The following OPCML variants were observed in gnomAD, a reference collection of about 807,000 sequenced individuals.
The protein encoded by OPCML is opioid binding protein/cell adhesion molecule like.
Under a neutral mutation model 37.8 loss-of-function variants are expected in OPCML, and 13 were observed. That is an observed-to-expected ratio of 0.34 (90% CI 0.22 to 0.55). The LOEUF is 0.55. Among genes scored for constraint, OPCML ranks in the 20% least tolerant of loss-of-function variants. The probability of loss-of-function intolerance (pLI) is 0.91; values close to 1 mark genes in which losing one functional copy is unlikely to be tolerated. For missense variants in OPCML, 341 were observed against 435.6 expected, an observed-to-expected ratio of 0.78 and a Z score of 1.93; for synonymous variants, 176 against 168.8, an observed-to-expected ratio of 1.04 and a Z score of -0.33.
chr11:133,403,121 A>G (rs1396927522), intron 1 of OPCML, among the ~76,000 whole-genome samples: 1 of 152,212 alleles, frequency 6.6e-6, no homozygotes, highest in Admixed American at 6.5e-5. Context: ...TAGATTACTT[A>G]AGTACAAATC....
chr11:132,953,935 T>A (rs1298673742), intron 1 of OPCML, among the ~76,000 whole-genome samples: 1 of 152,214 alleles, frequency 6.6e-6, no homozygotes, highest in Non-Finnish European at 1.5e-5. Context: ...GACTGGCTGC[T>A]CCTTACGGGG....
intron 2 of OPCML, chr11:132,859,252 T>C (rs1454365152): frequency 6.6e-6 from 1 of 152,194 alleles, no homozygotes; most frequent in Non-Finnish European, 1.5e-5. Context: ...ATGCATACCT[T>C]GTATGCTACA....
At chr11:133,106,925 G>C (rs751926779) in intron 1 of OPCML, among the ~76,000 whole-genome samples, 3 of 152,176 alleles carry the variant, frequency 2.0e-5, no homozygotes, top group Non-Finnish European at 4.4e-5. Context: ...CAGAGGCAGA[G>C]ACAGGCCCTT....
chr11:132,898,463 C>T (rs945209788), intron 2 of OPCML, among the ~76,000 whole-genome samples: 1 of 152,164 alleles, frequency 6.6e-6, no homozygotes. Context: ...TTCATGGGAT[C>T]CACTAATCTT....
chr11:132,578,321 C>A (rs575533519), intron 3 of OPCML, among the ~76,000 whole-genome samples: 1 of 151,556 alleles, frequency 6.6e-6, no homozygotes, highest in Non-Finnish European at 1.5e-5. Flanking sequence ...AATCATATTC[C>A]AAAAAAAACA....
chr11:132,441,165 G>GTTTTTTTTTTTTTTTGTTTT (rs2096032025), intron 4 of OPCML, among the ~76,000 whole-genome samples: 1 of 72,402 alleles, frequency 1.4e-5, no homozygotes, highest in Admixed American at 1.5e-4. Context: ...GGACTTTTTT[G>GTTTTTTTTTTTTTTTGTTTT]TTTTTTTTTT....
chr11:133,264,274 C>T lies in OPCML; in HGVS notation c.61+267990G>A, dbSNP rs183683385. 2.2e-4 allele frequency among the ~76,000 whole-genome samples: 34 copies of T among 152,292 alleles called. No individual in the cohort carries two copies. The East Asian group carries it at 6.4e-3, about 29-fold the overall frequency. On this transcript the variant is annotated intron_variant, in intron 1 of 7. Transcript: ENST00000524381. The stretch of plus-strand genomic sequence containing the variant: ...CGGAAAAATGACTCCTTCCAAGTGA[C>T]GGAGACAACATATTGCAAATTATTA...
intron 1 of OPCML, among the ~76,000 whole-genome samples, chr11:133,175,897 G>C (rs1456563231): frequency 1.3e-5 from 2 of 152,118 alleles, no homozygotes; most frequent in Non-Finnish European, 2.9e-5. Context: ...AGTCGTGCCT[G>C]TGGTTATGAA....
intron 2 of OPCML, among the ~76,000 whole-genome samples, chr11:132,852,297 C>T (rs1372505158): frequency 1.3e-5 from 2 of 152,028 alleles, no homozygotes; most frequent in Admixed American, 6.6e-5. Context: ...TGCTTTTCTC[C>T]GTTTGATCTC....
chr11:132,450,653 ATATT>A (rs2096066166), intron 4 of OPCML, among the ~76,000 whole-genome samples: 1 of 151,990 alleles, frequency 6.6e-6, no homozygotes. Context: ...AAACAGTGTG[ATATT>A]TATTGCTTTC....
chr11:132,590,724 A>G (rs1314289377), intron 3 of OPCML, among the ~76,000 whole-genome samples: 2 of 152,092 alleles, frequency 1.3e-5, no homozygotes, highest in Non-Finnish European at 2.9e-5. Context: ...CACGCATGAC[A>G]CCAGCATAAA....
intron 1 of OPCML, among the ~76,000 whole-genome samples, chr11:133,198,553 T>C (rs530066125): frequency 6.6e-6 from 1 of 152,336 alleles, no homozygotes; most frequent in East Asian, 1.9e-4. Context: ...TAGATGGACA[T>C]GAAGAAAGGC....
intron 3 of OPCML, among the ~76,000 whole-genome samples, chr11:132,625,119 A>ATTG (rs1353457714): frequency 6.6e-6 from 1 of 152,156 alleles, no homozygotes; most frequent in Non-Finnish European, 1.5e-5. Context: ...CAAAATCAAC[A>ATTG]TTGTTATACA....
At chr11:133,402,976 C>A (rs890768562) in intron 1 of OPCML, among the ~76,000 whole-genome samples, 10 of 152,190 alleles carry the variant, frequency 6.6e-5, no homozygotes, top group Admixed American at 2.6e-4. Context: ...AGGATTCCTA[C>A]TGGAAGTCTT....
At chr11:132,838,071 A>G (rs1240485118) in intron 2 of OPCML, among the ~76,000 whole-genome samples, 1 of 152,234 alleles carries the variant, frequency 6.6e-6, no homozygotes, top group East Asian at 1.9e-4. Flanking sequence ...ATTTGTATAC[A>G]TGCTGAGAGG....
intron 1 of OPCML, among the ~76,000 whole-genome samples, chr11:132,957,718 T>A (rs1946002029): frequency 6.6e-6 from 1 of 152,190 alleles, no homozygotes; most frequent in Non-Finnish European, 1.5e-5. Flanking sequence ...TTGCAATATT[T>A]CAAACTTTCT....
intron 1 of OPCML, chr11:133,301,222 T>G (rs1285111449): frequency 1.3e-5 from 2 of 152,174 alleles, no homozygotes; most frequent in African/African-American, 4.8e-5. Flanking sequence ...ATTTTAGTCT[T>G]TGTTACATCA....
At chr11:132,859,649 C>T (rs187612107) in intron 2 of OPCML, 3 of 152,318 alleles carry the variant, frequency 2.0e-5, no homozygotes, top group Admixed American at 6.5e-5. Context: ...CTTTGCCAGA[C>T]GGAGCTTTCT....
At position 132,433,650 on chromosome 11, in the gene OPCML, G is replaced by A. The variant is rs1565557916; in HGVS notation, c.916+2436C>T. 2.6e-5 allele frequency among the ~76,000 whole-genome samples: 4 copies of A among 152,210 alleles called. 1 individual carries two copies. The highest frequency in any genetic ancestry group is 1.3e-4 in the Admixed American group (2 of 15,286). On this transcript the variant is annotated intron_variant, in intron 7 of 7. Transcript: ENST00000524381. Reference sequence around the variant, plus strand: ...ACCCCCAGTATGTCTGTATTTGGAGGTGGCACCTATAGGGAAGTAATTAAG... The same window carrying A: ...ACCCCCAGTATGTCTGTATTTGGAGATGGCACCTATAGGGAAGTAATTAAG...
Sources: allele counts gnomAD v4.1 joint callset (sites outside exome capture counted in the v4.1 genomes callset), GRCh38; gene constraint gnomAD v4.1.1; transcripts MANE v1.5; gene names NCBI Gene and HGNC (gene_info 2026-07-23, HGNC 2026-07-21).